The following WWOX variants were observed in gnomAD, a reference collection of about 807,000 sequenced individuals.
WWOX encodes the protein WW domain-containing oxidoreductase.
In WWOX, 69 loss-of-function variants were observed where a neutral mutation model predicts 46.2. That is an observed-to-expected ratio of 1.49 (90% CI 1.23 to 1.82). The LOEUF (loss-of-function observed/expected upper bound fraction) is 1.82, where lower values mean the gene tolerates loss of function less well. Among genes scored for constraint, WWOX ranks in the 40% most tolerant of loss-of-function variants. WWOX has a pLI of 0.00. For synonymous variants in WWOX, 359 were observed against 202.6 expected, an observed-to-expected ratio of 1.77 and a Z score of -6.56; for missense variants, 919 against 542.6, an observed-to-expected ratio of 1.69 and a Z score of -6.89.
intron 6 of WWOX, among the ~76,000 whole-genome samples, chr16:78,410,378 C>T (rs561514853): frequency 2.0e-5 from 3 of 152,292 alleles, no homozygotes; most frequent in African/African-American, 7.2e-5. Flanking sequence ...GTAATATGTT[C>T]AGTGGCTGTG....
At chr16:78,278,635 C>G in intron 5 of WWOX, 1 of 1,610,560 alleles carries the variant, frequency 6.2e-7, no homozygotes, top group East Asian at 2.2e-5. Context: ...CAGAAAAGTG[C>G]AGAATAAAAA....
intron 5 of WWOX, among the ~76,000 whole-genome samples, chr16:78,225,986 T>C (rs1834918466): frequency 6.6e-6 from 1 of 152,226 alleles, no homozygotes; most frequent in Non-Finnish European, 1.5e-5. Context: ...ATTCTAATAC[T>C]GCTATTCCTT....
chr16:78,714,071 CT>C (rs2048507534), intron 8 of WWOX, among the ~76,000 whole-genome samples: 2 of 152,158 alleles, frequency 1.3e-5, no homozygotes, highest in African/African-American at 4.8e-5. Context: ...CTTAAAGAGA[CT>C]GATGAACCCA....
chr16:78,906,699 T>C (rs1456742185), intron 8 of WWOX, among the ~76,000 whole-genome samples: 1 of 152,216 alleles, frequency 6.6e-6, no homozygotes, highest in Admixed American at 6.5e-5. Flanking sequence ...AAGGACCTTA[T>C]CCTGTCAGCT....
At chr16:79,182,232 G>C (rs527753275) in intron 8 of WWOX, among the ~76,000 whole-genome samples, 1 of 151,764 alleles carries the variant, frequency 6.6e-6, no homozygotes, top group Admixed American at 6.6e-5. Context: ...TTAGCATCTG[G>C]GGCTGTACAC....
intron 8 of WWOX, among the ~76,000 whole-genome samples, chr16:79,090,280 CGTGTGTGTGTGTGTGTGT>C (rs61538157): frequency 1.0e-4 from 14 of 138,378 alleles, no homozygotes; most frequent in South Asian, 4.9e-4. Flanking sequence ...CTACTGTGTG[CGTGTGTGTGTGTGTGTGT>C]GTGTGTGTGT....
chr16:78,618,118 G>A (rs932715678), intron 8 of WWOX, among the ~76,000 whole-genome samples: 3 of 152,160 alleles, frequency 2.0e-5, no homozygotes, highest in Non-Finnish European at 2.9e-5. Context: ...TCTGAGAGAC[G>A]CAAGGCTTGG....
chr16:78,101,014 G>A (rs1046507044), intron 1 of WWOX, among the ~76,000 whole-genome samples: 4 of 151,824 alleles, frequency 2.6e-5, no homozygotes, highest in African/African-American at 9.7e-5. Context: ...TTTTGTAAGA[G>A]CCTTTTTCTG....
In WWOX at chr16:78,958,353, C is replaced by G. The variant is rs143021288; in HGVS notation, c.1057-253255C>G. Among the ~76,000 whole-genome samples, 318 of 152,090 alleles carry G rather than the reference C, an allele frequency of 2.1e-3. 1 individual carries two copies. Among genetic ancestry groups the G allele is most frequent in the Admixed American group, 3.7e-3 (56 of 15,284 alleles). On this transcript the variant is annotated intron_variant, in intron 8 of 8. Coordinates refer to ENST00000566780, the MANE Select transcript of WWOX (RefSeq NM_016373.4). ...TGCATTATTAACTAGTGTAACTAGA[C>G]AAAAAAGATGGTACAAACCCCCATG...
At chr16:78,976,921 G>A (rs2046583983) in intron 8 of WWOX, among the ~76,000 whole-genome samples, 1 of 152,128 alleles carries the variant, frequency 6.6e-6, no homozygotes, top group Non-Finnish European at 1.5e-5. Flanking sequence ...TTTTCTCAGG[G>A]CCATCAGAAA....
chr16:78,659,213 T>A (rs955933379), intron 8 of WWOX, among the ~76,000 whole-genome samples: 2 of 151,932 alleles, frequency 1.3e-5, no homozygotes, highest in African/African-American at 4.8e-5. Context: ...ATTTTACAGA[T>A]GAGGAAATTG....
At chr16:79,008,929 C>T (rs2047245586) in intron 8 of WWOX, among the ~76,000 whole-genome samples, 1 of 152,222 alleles carries the variant, frequency 6.6e-6, no homozygotes, top group Non-Finnish European at 1.5e-5. Context: ...TGTCTCCACC[C>T]TTCTAAATAT....
chr16:78,735,026 C>T (rs1374810829), intron 8 of WWOX, among the ~76,000 whole-genome samples: 1 of 151,328 alleles, frequency 6.6e-6, no homozygotes, highest in Non-Finnish European at 1.5e-5. Context: ...ACCATCATGC[C>T]CAGCTAACTT....
Position 79,211,668 on chromosome 16 carries a change from G to GGGAT in WWOX, c.1119_1122dup (p.Tyr375AspfsTer155). On this transcript the variant is annotated frameshift_variant, in exon 9 of 9. Transcript: ENST00000566780. LOFTEE classifies it high-confidence loss of function. ...TGTCCCAGAACTGGAGGGTCTGGGA[G>GGGAT]GGATGTACTTCAACAACTGCTGCCG... The GGGAT allele has an allele frequency of 1.2e-6, 2 of 1,614,212 alleles. No homozygotes were observed. Among genetic ancestry groups the GGGAT allele is most frequent in the Admixed American group, 1.7e-5 (1 of 60,028 alleles).
chr16:78,404,020 C>A (rs191467474), intron 6 of WWOX, among the ~76,000 whole-genome samples: 1 of 152,074 alleles, frequency 6.6e-6, no homozygotes, highest in Non-Finnish European at 1.5e-5. Context: ...AAGAGCAACT[C>A]CACCTAGCAG....
At chr16:78,698,090 C>A (rs1378468164) in intron 8 of WWOX, among the ~76,000 whole-genome samples, 1 of 152,120 alleles carries the variant, frequency 6.6e-6, no homozygotes. Context: ...TTGTTGTCAT[C>A]ATGTATATAT....
intron 8 of WWOX, among the ~76,000 whole-genome samples, chr16:78,600,094 G>A (rs1164230212): frequency 6.6e-6 from 1 of 152,098 alleles, no homozygotes; most frequent in African/African-American, 2.4e-5. Flanking sequence ...CAAAGAGTGA[G>A]CTTGTGCAGG....
chr16:78,361,367 T>A (rs894806116), intron 5 of WWOX, among the ~76,000 whole-genome samples: 49 of 152,288 alleles, frequency 3.2e-4, no homozygotes, highest in African/African-American at 1.2e-3. Flanking sequence ...GTTTTTCCAA[T>A]GTAATGTTAT....
intron 8 of WWOX, among the ~76,000 whole-genome samples, chr16:78,718,083 G>T (rs2048607196): frequency 1.6e-5 from 1 of 61,436 alleles, no homozygotes; most frequent in Admixed American, 1.5e-4. Flanking sequence ...CAAACAAGGG[G>T]TTCTGGTGGT....
Sources: allele counts gnomAD v4.1 joint callset (sites outside exome capture counted in the v4.1 genomes callset), GRCh38; gene constraint gnomAD v4.1.1; transcripts MANE v1.5; gene names NCBI Gene and HGNC (gene_info 2026-07-23, HGNC 2026-07-21).